The following TMEM260 variants were observed in gnomAD, a reference collection of about 807,000 sequenced individuals.
The protein encoded by TMEM260 is protein O-mannosyl-transferase TMEM260.
In TMEM260, 82 loss-of-function variants were observed where a neutral mutation model predicts 88.9. That is an observed-to-expected ratio of 0.92 (90% CI 0.77 to 1.11). The LOEUF (loss-of-function observed/expected upper bound fraction) is 1.11, where lower values mean the gene tolerates loss of function less well. Among genes scored for constraint, TMEM260 ranks in the 50% least tolerant of loss-of-function variants. The pLI is 0.00. For missense variants in TMEM260, 902 were observed against 853.4 expected, an observed-to-expected ratio of 1.06 and a Z score of -0.71; for synonymous variants, 314 against 309.3, an observed-to-expected ratio of 1.02 and a Z score of -0.16.
chr14:56,618,010 C>A (rs1422291985), intron 9 of TMEM260, among the ~76,000 whole-genome samples: 2 of 152,176 alleles, frequency 1.3e-5, no homozygotes, highest in African/African-American at 2.4e-5. Context: ...GATTTACCCA[C>A]TAGTCATAGG....
chr14:56,603,281 T>C (rs943535441), intron 3 of TMEM260, among the ~76,000 whole-genome samples: 6 of 152,074 alleles, frequency 3.9e-5, no homozygotes, highest in African/African-American at 1.4e-4. Flanking sequence ...AAGTAAGAAA[T>C]GCACTGTATA....
At chr14:56,655,446 C>T (rs191319855), downstream of TMEM260, among the ~76,000 whole-genome samples, 2 of 152,066 alleles carry the variant, frequency 1.3e-5, no homozygotes, top group East Asian at 3.9e-4. Context: ...AGTTTGGCAC[C>T]CCTCAAGAAA....
chr14:56,601,860 T>C (rs1227087688), intron 3 of TMEM260, among the ~76,000 whole-genome samples: 1 of 152,110 alleles, frequency 6.6e-6, no homozygotes, highest in Non-Finnish European at 1.5e-5. Context: ...CCATCATTCT[T>C]TGAGCACTTA....
In TMEM260 at chr14:56,618,612, C is replaced by A. The variant is rs1323429488; in HGVS notation, c.1075C>A (p.Gln359Lys). ...TTCACAGGTGGAACGATTCTGGATGCAGAGCAATGCAGTAGTGGCCGTCCT... is the reference window on the plus strand; with the variant it reads ...TTCACAGGTGGAACGATTCTGGATGAAGAGCAATGCAGTAGTGGCCGTCCT... ...FMGVVERFWM[Q>K]SNAVVAVLAG... The change falls in exon 10 of 16, where the codon CAG (glutamine) becomes AAG (lysine). Residue 359 changes from glutamine to lysine, a missense_variant. Physicochemically the swap from Gln to Lys is moderately conservative, Grantham distance 53. Transcript: ENST00000261556. 1 of 1,613,982 alleles carries A rather than the reference C, an allele frequency of 6.2e-7. No individual in the cohort carries two copies. The highest frequency in any genetic ancestry group is 8.5e-7 in the Non-Finnish European group (1 of 1,179,990).
rs34268894 is a variant in TMEM260, at chr14:56,593,677, C to CTTTT, written c.344+7790_344+7793dup. On this transcript the variant is annotated intron_variant, in intron 3 of 15. Transcript: ENST00000261556. ...ATTATTGGTATTGACAGGTGAGTGT[C>CTTTT]TTTTTTTTTTTTTTTTTTTTTTTTT... 1.1e-3 allele frequency among the ~76,000 whole-genome samples: 68 copies of CTTTT among 63,496 alleles called. 21 individuals carry two copies. Among genetic ancestry groups the CTTTT allele is most frequent in the South Asian group, 9.5e-3 (11 of 1,162 alleles). The allele number at this position is 63,496 out of a possible 152,430, so 41.7% of individuals were successfully genotyped here. A position where few individuals can be genotyped will look rare whatever the true frequency, so the allele number is the denominator to read the frequency against.
the TMEM260 span, among the ~76,000 whole-genome samples, chr14:56,662,014 AG>A: frequency 6.6e-6 from 1 of 152,184 alleles, no homozygotes; most frequent in Admixed American, 6.5e-5. Flanking sequence ...TGTGAAAGTT[AG>A]GGCCCCCAGA....
At chr14:56,602,057 A>C (rs1886611379) in intron 3 of TMEM260, among the ~76,000 whole-genome samples, 1 of 152,178 alleles carries the variant, frequency 6.6e-6, no homozygotes. Flanking sequence ...AATGTTAGAA[A>C]TACTTTAATT....
In TMEM260 at chr14:56,613,910, A is replaced by AAAAAAAAAAAAAAAAAAAAT. The variant is rs1465604052; in HGVS notation, c.857+1625_857+1626insAAAAAAAAAAAAAAAAAAAT. 5.4e-4 allele frequency: 78 copies of AAAAAAAAAAAAAAAAAAAAT among 144,406 alleles called. 1 individual carries two copies. Among genetic ancestry groups the AAAAAAAAAAAAAAAAAAAAT allele is most frequent in the Middle Eastern group, 7.2e-3 (2 of 278 alleles). 8.9% of individuals were successfully genotyped at this position (144,406 alleles called of 1,614,324 possible). A position where few individuals can be genotyped will look rare whatever the true frequency, so the allele number is the denominator to read the frequency against. On this transcript the variant is annotated intron_variant, in intron 7 of 15. Transcript: ENST00000261556. Reference sequence around the variant, plus strand: ...CCCGTCTCTGCAAAAAAAAAAAAAAATTTTTTTTTTGAGATGGCGTCTTGC... The same window carrying AAAAAAAAAAAAAAAAAAAAT: ...CCCGTCTCTGCAAAAAAAAAAAAAAAAAAAAAAAAAAAAAAAAAATTTTTTTTTTTGAGATGGCGTCTTGC...
intron 15 of TMEM260, 123 bp from the exon 16 acceptor site, chr14:56,647,120 A>G: frequency 9.1e-7 from 1 of 1,101,266 alleles, no homozygotes; most frequent in Non-Finnish European, 1.3e-6. Context: ...CAATGATTAG[A>G]TTTTTACTGG....
downstream of TMEM260, among the ~76,000 whole-genome samples, chr14:56,653,741 C>CAAAAAAAAAAACAAACAA (rs1555343552): frequency 1.0e-5 from 1 of 97,910 alleles, no homozygotes; most frequent in Non-Finnish European, 2.1e-5. Context: ...GTCTCCAAAA[C>CAAAAAAAAAAACAAACAA]AAAAAAAAAA....
intron 3 of TMEM260, among the ~76,000 whole-genome samples, chr14:56,599,632 A>G (rs1489624596): frequency 6.6e-6 from 1 of 152,244 alleles, no homozygotes; most frequent in Non-Finnish European, 1.5e-5. Context: ...CTTCTTATAC[A>G]TGTAGCTCTG....
intron 15 of TMEM260, among the ~76,000 whole-genome samples, chr14:56,637,771 AT>A (rs1364645065): frequency 6.6e-6 from 1 of 152,194 alleles, no homozygotes; most frequent in Admixed American, 6.5e-5. Flanking sequence ...TTCCTTATGT[AT>A]TCACTTATTC....
intron 7 of TMEM260, 43 bp downstream of exon 7, chr14:56,612,328 A>C: frequency 6.6e-7 from 1 of 1,516,072 alleles, no homozygotes. Flanking sequence ...TGAATTCTCT[A>C]TTAGTTCCTT....
At chr14:56,651,965 G>C (rs1332626867), downstream of TMEM260, among the ~76,000 whole-genome samples, 1 of 152,154 alleles carries the variant, frequency 6.6e-6, no homozygotes. Flanking sequence ...TTTTTGAAAT[G>C]TAACCTTTTA....
At chr14:56,603,299 G>A (rs1886689280) in intron 3 of TMEM260, among the ~76,000 whole-genome samples, 1 of 152,084 alleles carries the variant, frequency 6.6e-6, no homozygotes, top group Non-Finnish European at 1.5e-5. Flanking sequence ...ATAAGATATT[G>A]AAATCATCAG....
intron 5 of TMEM260, among the ~76,000 whole-genome samples, chr14:56,606,314 A>G (rs1430890071): frequency 6.6e-6 from 1 of 152,228 alleles, no homozygotes; most frequent in Non-Finnish European, 1.5e-5. Context: ...AAAATAGTCT[A>G]TATACAAAGC....
chr14:56,612,189 C>T lies in TMEM260; in HGVS notation c.817-56C>T. The T allele has an allele frequency of 2.8e-6, 4 of 1,450,464 alleles. No individual in the cohort carries two copies. The East Asian group carries it at 9.1e-5, about 33-fold the overall frequency. The allele number at this position is 1,450,464 out of a possible 1,614,324, so 89.8% of individuals were successfully genotyped here. A position where few individuals can be genotyped will look rare whatever the true frequency, so the allele number is the denominator to read the frequency against. On this transcript the variant is annotated intron_variant, in intron 6 of 15. Coordinates refer to ENST00000261556, the MANE Select transcript of TMEM260 (RefSeq NM_017799.4). The stretch of plus-strand genomic sequence containing the variant: ...TTTAAGATTATTAAAATACAATAGC[C>T]TAATAAAGCGTCAGTTTAATGCTTG...
intron 15 of TMEM260, among the ~76,000 whole-genome samples, chr14:56,645,533 A>T (rs1391432618): frequency 6.6e-6 from 1 of 152,090 alleles, no homozygotes; most frequent in Non-Finnish European, 1.5e-5. Context: ...TAGGAGATAT[A>T]CCTAATGCTA....
At chr14:56,635,577 T>A (rs1888985533) in intron 14 of TMEM260, among the ~76,000 whole-genome samples, 2 of 152,340 alleles carry the variant, frequency 1.3e-5, no homozygotes, top group South Asian at 4.1e-4. Context: ...TGATGGCAAC[T>A]GCTTCTTTTG....
Sources: allele counts gnomAD v4.1 joint callset (sites outside exome capture counted in the v4.1 genomes callset), GRCh38; gene constraint gnomAD v4.1.1; transcripts MANE v1.5; gene names NCBI Gene and HGNC (gene_info 2026-07-23, HGNC 2026-07-21).